Variants in RMDN2 observed in about 807,000 individuals in gnomAD.
The protein encoded by RMDN2 is regulator of microtubule dynamics 2.
Under a neutral mutation model 52.8 loss-of-function variants are expected in RMDN2, and 61 were observed. The observed-to-expected ratio is 1.16, with a 90% CI of 0.94 to 1.43. RMDN2 has a LOEUF of 1.43. Among genes scored for constraint, RMDN2 ranks in the 40% most tolerant of loss-of-function variants. RMDN2 has a pLI of 0.00. For synonymous variants in RMDN2, 180 were observed against 153.1 expected (o/e 1.18, Z -1.30); for missense variants, 592 against 475.3 (o/e 1.25, Z -2.28).
chr2:37,982,116 ATTTC>A (rs1673399818), intron 5 of RMDN2, among the ~76,000 whole-genome samples: 1 of 151,974 alleles, frequency 6.6e-6, no homozygotes, highest in African/African-American at 2.4e-5. Flanking sequence ...CGGTTACTTT[ATTTC>A]CCATCCCTAT....
chr2:38,031,099 T>G (rs1469202220), intron 10 of RMDN2, among the ~76,000 whole-genome samples: 1 of 152,098 alleles, frequency 6.6e-6, no homozygotes, highest in Non-Finnish European at 1.5e-5. Context: ...AAAACAGTAA[T>G]TTAAGATGGG....
At chr2:38,060,545 G>T (rs1682005929) in intron 10 of RMDN2, among the ~76,000 whole-genome samples, 1 of 152,190 alleles carries the variant, frequency 6.6e-6, no homozygotes, top group South Asian at 2.1e-4. Context: ...GCTGGGATGT[G>T]CAGTAAGAGA....
Position 38,055,141 on chromosome 2 carries a change from C to T in RMDN2, c.1714-11841C>T, listed in dbSNP as rs57627350. ...CTCAGTGAGGCCAGGACCAGGTCTA[C>T]TTTCCCTCTTGCCTAGATGATTTCA... On this transcript the variant is annotated intron_variant, in intron 10 of 10. Coordinates refer to the RMDN2 transcript ENST00000234195. Among the ~76,000 whole-genome samples the T allele has an allele frequency of 8.1e-3, 1,233 of 152,154 alleles. 14 individuals are homozygous for T. The highest frequency in any genetic ancestry group is 0.028 in the African/African-American group (1,180 of 41,494).
At chr2:38,002,756 A>C (rs1332183353) in intron 8 of RMDN2, 1 of 152,276 alleles carries the variant, frequency 6.6e-6, no homozygotes, top group Non-Finnish European at 1.5e-5. Context: ...AAAACTGGGA[A>C]GGAGAAACTT....
rs545708759 is a variant in RMDN2, at chr2:38,033,919, G to A, written c.1713+29703G>A. On this transcript the variant is annotated intron_variant, in intron 10 of 10. Coordinates refer to the RMDN2 transcript ENST00000234195. Reference sequence around the variant, plus strand: ...ATTGTTTTGAGTTTTTGCACTGCATGTATTAATCAACCAAGAACACATGTC... The same window carrying A: ...ATTGTTTTGAGTTTTTGCACTGCATATATTAATCAACCAAGAACACATGTC... Among the ~76,000 whole-genome samples, 8 of 152,328 alleles carry A rather than the reference G, an allele frequency of 5.3e-5. No individual in the cohort carries two copies. The South Asian group carries it at 1.7e-3, about 32-fold the overall frequency.
At chr2:37,950,563 T>G (rs1363641910) in intron 2 of RMDN2, 1 of 1,613,048 alleles carries the variant, frequency 6.2e-7, no homozygotes, top group African/African-American at 1.3e-5. Context: ...GAGACTTACT[T>G]TGGATTAAAT....
intron 8 of RMDN2, among the ~76,000 whole-genome samples, chr2:38,001,421 G>A (rs952384538): frequency 3.9e-5 from 6 of 152,166 alleles, no homozygotes; most frequent in Non-Finnish European, 5.9e-5. Flanking sequence ...ATTCATCCAA[G>A]TCCTTTTGTG....
intron 5 of RMDN2, among the ~76,000 whole-genome samples, chr2:37,986,389 T>C (rs1414916779): frequency 6.6e-6 from 1 of 152,138 alleles, no homozygotes; most frequent in African/African-American, 2.4e-5. Context: ...AGGAGAAAAT[T>C]ATACCAATTA....
chr2:38,059,405 T>A (rs1370394515), intron 10 of RMDN2, among the ~76,000 whole-genome samples: 13 of 151,992 alleles, frequency 8.6e-5, no homozygotes, highest in Admixed American at 8.5e-4. Flanking sequence ...GTGTAGAAAA[T>A]CCAGCAAGAT....
At chr2:37,985,615 C>T (rs1673901591) in intron 5 of RMDN2, among the ~76,000 whole-genome samples, 1 of 152,030 alleles carries the variant, frequency 6.6e-6, no homozygotes, top group African/African-American at 2.4e-5. Context: ...TCTTGGTCCC[C>T]AGTGTGTTCA....
intron 8 of RMDN2, among the ~76,000 whole-genome samples, chr2:38,000,535 C>A (rs1039382124): frequency 4.6e-5 from 7 of 152,194 alleles, no homozygotes; most frequent in Admixed American, 4.6e-4. Flanking sequence ...AACCACTGAT[C>A]TGCTTTCTAT....
intron 10 of RMDN2, among the ~76,000 whole-genome samples, chr2:38,005,059 TG>T (rs1676886373): frequency 6.6e-6 from 1 of 152,210 alleles, no homozygotes; most frequent in Non-Finnish European, 1.5e-5. Context: ...TAGTATTCCA[TG>T]GTGTATATGT....
At chr2:37,951,999 C>G (rs756641451) in intron 2 of RMDN2, 1 of 1,612,930 alleles carries the variant, frequency 6.2e-7, no homozygotes, top group Non-Finnish European at 8.5e-7. Context: ...AGATCATTCT[C>G]CAATCATGAT....
intron 10 of RMDN2, among the ~76,000 whole-genome samples, chr2:38,014,831 G>A (rs1468527403): frequency 2.6e-5 from 4 of 152,174 alleles, no homozygotes; most frequent in African/African-American, 9.7e-5. Context: ...CTGCCATCAT[G>A]AATTCTGTGG....
At chr2:38,003,578 A>G (rs555147559) in intron 8 of RMDN2, among the ~76,000 whole-genome samples, 1 of 151,636 alleles carries the variant, frequency 6.6e-6, no homozygotes, top group African/African-American at 2.4e-5. Flanking sequence ...ATAGATAGAT[A>G]GATAGATAGA....
chr2:38,011,842 C>T (rs770303694), intron 10 of RMDN2, among the ~76,000 whole-genome samples: 1 of 152,142 alleles, frequency 6.6e-6, no homozygotes, highest in African/African-American at 2.4e-5. Flanking sequence ...TTGCCTGGAG[C>T]AAAAGGAATG....
chr2:38,052,326 C>T (rs336024), intron 10 of RMDN2, among the ~76,000 whole-genome samples: 132,728 of 152,270 alleles, frequency 0.87, 58,199 homozygotes, highest in African/African-American at 0.96. Flanking sequence ...TGTCTTCTTT[C>T]GAGAAATGTA....
At chr2:37,946,032 A>G (rs1668191401) in intron 2 of RMDN2, among the ~76,000 whole-genome samples, 1 of 152,230 alleles carries the variant, frequency 6.6e-6, no homozygotes, top group Non-Finnish European at 1.5e-5. Context: ...TAACGTAACT[A>G]AGAAGGCACA....
intron 7 of RMDN2, among the ~76,000 whole-genome samples, chr2:37,996,896 C>G (rs1675626913): frequency 6.6e-6 from 1 of 152,086 alleles, no homozygotes; most frequent in Non-Finnish European, 1.5e-5. Flanking sequence ...GGTCCCCATT[C>G]CCTGCTCCTT....
Sources: allele counts gnomAD v4.1 joint callset (sites outside exome capture counted in the v4.1 genomes callset), GRCh38; gene constraint gnomAD v4.1.1; transcripts MANE v1.5; gene names NCBI Gene and HGNC (gene_info 2026-07-23, HGNC 2026-07-21).